GRB2: variants seen among roughly 807,000 people sequenced by gnomAD.
The protein encoded by GRB2 is growth factor receptor bound protein 2, also known as growth factor receptor-bound protein 2.
GRB2 carries 2 observed loss-of-function variants against 27.4 expected under a neutral mutation model. The observed-to-expected ratio is 0.07, with a 90% CI of 0.03 to 0.23. The LOEUF (loss-of-function observed/expected upper bound fraction) is 0.23, where lower values mean the gene tolerates loss of function less well. Ranked by LOEUF, GRB2 falls within the 10% of genes least tolerant of loss-of-function variation. The pLI is 1.00. For synonymous variants in GRB2, 94 were observed against 99.6 expected, an observed-to-expected ratio of 0.94 and a Z score of 0.33; for missense variants, 102 against 282.4, an observed-to-expected ratio of 0.36 and a Z score of 4.58.
chr17:75,326,087 A>T, intron 3 of GRB2, 67 bp from the exon 4 acceptor site: 1 of 1,575,288 alleles, frequency 6.3e-7, no homozygotes, highest in Non-Finnish European at 8.7e-7. Flanking sequence ...CCAGCCTTCA[A>T]AATGTGAGTA....
intron 1 of GRB2, among the ~76,000 whole-genome samples, chr17:75,397,983 A>C (rs1036053620): frequency 9.9e-5 from 15 of 151,906 alleles, no homozygotes; most frequent in African/African-American, 2.2e-4. Context: ...CTGGGACTAC[A>C]GGTGCGCGCC....
intron 1 of GRB2, among the ~76,000 whole-genome samples, chr17:75,402,677 T>C (rs2079071090): frequency 1.3e-5 from 2 of 152,198 alleles, no homozygotes; most frequent in Admixed American, 1.3e-4. Context: ...GTGATTTTTA[T>C]GGATACTAAA....
chr17:75,366,714 G>A (rs917355720), intron 2 of GRB2, among the ~76,000 whole-genome samples: 2 of 152,202 alleles, frequency 1.3e-5, no homozygotes, highest in Admixed American at 6.5e-5. Flanking sequence ...GGAGGCTGAC[G>A]TGGGAGGATC....
At chr17:75,334,807 AAT>A (rs1278416345) in intron 2 of GRB2, among the ~76,000 whole-genome samples, 2 of 152,026 alleles carry the variant, frequency 1.3e-5, no homozygotes, top group Non-Finnish European at 2.9e-5. Context: ...AAGTTATAAC[AAT>A]ATACTGTAAT....
chr17:75,366,422 C>T (rs1038400915), intron 2 of GRB2, among the ~76,000 whole-genome samples: 3 of 145,940 alleles, frequency 2.1e-5, no homozygotes, highest in East Asian at 4.4e-4. Context: ...GTGGTTCACA[C>T]CTGTAATCCC....
Position 75,320,489 on chromosome 17 carries a change from C to A in GRB2, c.533G>T (p.Arg178Leu). 1 of 1,613,836 alleles carries A rather than the reference C, an allele frequency of 6.2e-7. No homozygotes were observed. Among genetic ancestry groups the A allele is most frequent in the Non-Finnish European group, 8.5e-7 (1 of 1,179,780 alleles). Residue 178 changes from arginine to leucine, a missense_variant, in exon 6 of 6, where the codon CGC becomes CTC. Coordinates refer to ENST00000316804, the MANE Select transcript of GRB2 (RefSeq NM_002086.5). This position sits in a 1 kb window ranked among gnomAD's most constrained non-coding sequence, Gnocchi z 4.3. Reference protein sequence around the residue: ...DPQEDGELGFRRGDFIHVMDN... With the variant: ...DPQEDGELGFLRGDFIHVMDN... ...CATGACATGGATAAAATCTCCCCGG[C>A]GGAAGCCCAGCTCTCCATCCTCCTG... is the stretch of plus-strand genomic sequence containing the variant.
intron 2 of GRB2, among the ~76,000 whole-genome samples, chr17:75,366,837 AT>A (rs1040537308): frequency 7.9e-5 from 12 of 151,716 alleles, no homozygotes; most frequent in African/African-American, 1.2e-4. Flanking sequence ...AATCCAACAA[AT>A]TTTTTTTCCC....
At chr17:75,378,188 G>C (rs542658147) in intron 2 of GRB2, among the ~76,000 whole-genome samples, 15 of 152,052 alleles carry the variant, frequency 9.9e-5, no homozygotes, top group African/African-American at 3.6e-4. Flanking sequence ...TCAGGAGTTC[G>C]AGACCAGCCT....
chr17:75,321,794 G>T lies in GRB2; in HGVS notation c.333C>A (p.Leu111=), dbSNP rs767840143. ...GGAAGTACTTCCCGGCTCCATCTCGGAGCACCTTGAAGTGCTGCACATCGT... is the reference window on the plus strand; with the variant it reads ...GGAAGTACTTCCCGGCTCCATCTCGTAGCACCTTGAAGTGCTGCACATCGT... ...FGNDVQHFKV[L]RDGAGKYFLW... Residue 111 remains leucine (L), a synonymous_variant, in exon 5 of 6, where the codon CTC becomes CTA. Coordinates refer to ENST00000316804, the MANE Select transcript of GRB2 (RefSeq NM_002086.5). 7.4e-6 allele frequency: 12 copies of T among 1,614,048 alleles called. No homozygotes were observed. The highest frequency in any genetic ancestry group is 8.5e-6 in the Non-Finnish European group (10 of 1,180,010).
chr17:75,350,554 C>T (rs567090182), intron 2 of GRB2, among the ~76,000 whole-genome samples: 12 of 152,234 alleles, frequency 7.9e-5, no homozygotes, highest in African/African-American at 2.6e-4. Context: ...TGCAGTGGCG[C>T]GATCTCGGCT....
chr17:75,328,508 C>T (rs141841655), intron 3 of GRB2, among the ~76,000 whole-genome samples: 3,293 of 147,582 alleles, frequency 0.022, 115 homozygotes, highest in African/African-American at 0.077. Context: ...GGCGCGGTGG[C>T]GCATGCCTGT....
intron 4 of GRB2, among the ~76,000 whole-genome samples, chr17:75,325,448 G>A (rs1276252183): frequency 6.6e-6 from 1 of 152,134 alleles, no homozygotes; most frequent in Non-Finnish European, 1.5e-5. Context: ...TTTCCACCGG[G>A]GAAATGCAAG....
chr17:75,388,865 T>C (rs1345070180), intron 2 of GRB2, among the ~76,000 whole-genome samples: 4 of 152,336 alleles, frequency 2.6e-5, no homozygotes, highest in South Asian at 2.1e-4. Context: ...ATCTTCTCCA[T>C]TGAGGATCAT....
chr17:75,377,876 T>C (rs2078904299), intron 2 of GRB2, among the ~76,000 whole-genome samples: 1 of 151,946 alleles, frequency 6.6e-6, no homozygotes, highest in Admixed American at 6.6e-5. Context: ...CACTACACTC[T>C]AGCCTGGGCA....
chr17:75,369,291 C>T lies in GRB2; in HGVS notation c.78+24260G>A, dbSNP rs531141153. Among the ~76,000 whole-genome samples the T allele has an allele frequency of 1.8e-4, 28 of 152,146 alleles. 1 individual carries two copies. Among genetic ancestry groups the T allele is most frequent in the African/African-American group, 6.0e-4 (25 of 41,498 alleles). On this transcript the variant is annotated intron_variant, in intron 2 of 5. Coordinates refer to ENST00000316804, the MANE Select transcript of GRB2 (RefSeq NM_002086.5). ...ATTCCTAACCTAGGAGTTCACAATG[C>T]GACATATCAAAAGTAACGTATTTAA...
intron 2 of GRB2, among the ~76,000 whole-genome samples, chr17:75,376,158 C>T (rs1567871512): frequency 6.6e-6 from 1 of 150,774 alleles, no homozygotes; most frequent in Non-Finnish European, 1.5e-5. Flanking sequence ...GCCTAGGCAA[C>T]ACGGTTAAAC....
Position 75,320,467 on chromosome 17 carries a change from G to A in GRB2, c.555C>T (p.Val185=), listed in dbSNP as rs1433182449. 73 of 1,613,896 alleles carry A rather than the reference G, an allele frequency of 4.5e-5. No individual in the cohort carries two copies. The highest frequency in any genetic ancestry group is 6.0e-5 in the Non-Finnish European group (71 of 1,179,874). Residue 185 remains valine (V), a synonymous_variant, in exon 6 of 6, where the codon GTC becomes GTT. Transcript: ENST00000316804. The surrounding 1 kb of genome is among the most constrained non-coding windows in gnomAD (Gnocchi z 4.3). ...ACCAGTTGGGGTCTGAGTTATCCAT[G>A]ACATGGATAAAATCTCCCCGGCGGA... ...LGFRRGDFIH[V]MDNSDPNWWK...
At chr17:75,338,961 G>C in intron 2 of GRB2, 1 of 1,165,672 alleles carries the variant, frequency 8.6e-7, no homozygotes, top group Non-Finnish European at 1.3e-6. Flanking sequence ...ACAGGAAGCA[G>C]AGTGGCTATG....
intron 3 of GRB2, among the ~76,000 whole-genome samples, chr17:75,332,350 A>G (rs2078546812): frequency 6.6e-6 from 1 of 152,176 alleles, no homozygotes; most frequent in Non-Finnish European, 1.5e-5. Context: ...ATTAGCACAT[A>G]TAAACACAAA....
Sources: allele counts gnomAD v4.1 joint callset (sites outside exome capture counted in the v4.1 genomes callset), GRCh38; gene constraint gnomAD v4.1.1; non-coding constraint Gnocchi (gnomAD v3.1); transcripts MANE v1.5; gene names NCBI Gene and HGNC (gene_info 2026-07-23, HGNC 2026-07-21).